Variants in SEL1L2 observed in about 807,000 individuals in gnomAD.
SEL1L2 encodes SEL1L2 adaptor subunit of SYVN1 ubiquitin ligase, also known as protein sel-1 homolog 2.
A neutral mutation model predicts 98.8 loss-of-function variants in SEL1L2; 89 were observed. That is an observed-to-expected ratio of 0.90 (90% confidence interval 0.76 to 1.07). SEL1L2 has a LOEUF of 1.07. SEL1L2 is among the 50% of genes least tolerant of loss of function. SEL1L2 has a pLI of 0.00. For synonymous variants in SEL1L2, 262 were observed against 278.5 expected, an observed-to-expected ratio of 0.94 and a Z score of 0.59; for missense variants, 788 against 812.0, an observed-to-expected ratio of 0.97 and a Z score of 0.36.
intron 18 of SEL1L2, among the ~76,000 whole-genome samples, chr20:13,858,367 C>T (rs1391716577): frequency 6.6e-6 from 1 of 152,090 alleles, no homozygotes; most frequent in Non-Finnish European, 1.5e-5. Flanking sequence ...GCGAGGCCCA[C>T]TCTTTCACCA....
chr20:13,931,704 A>T lies in SEL1L2; in HGVS notation c.182T>A (p.Ile61Asn). 2 of 1,565,938 alleles carry T rather than the reference A, an allele frequency of 1.3e-6. No homozygotes were observed. The highest frequency in any genetic ancestry group is 1.7e-6 in the Non-Finnish European group (2 of 1,156,420). Residue 61 changes from isoleucine to asparagine, a missense_variant, in exon 3 of 20, where the codon ATC (isoleucine) becomes AAC (asparagine). Ile to Asn is a moderately radical substitution (Grantham distance 149, BLOSUM62 -3). Coordinates refer to ENST00000284951, the MANE Select transcript of SEL1L2 (RefSeq NM_025229.2). Reference protein sequence around the residue: ...ILEQRTSSNVINKRENLLEKK... With the variant: ...ILEQRTSSNVNNKRENLLEKK... ...CTCCAGGAGATTTTCTCTTTTATTG[A>T]TTACATTACTAGATGTTCTTTGTTC...
intron 5 of SEL1L2, among the ~76,000 whole-genome samples, chr20:13,907,549 A>G (rs2047987765): frequency 6.6e-6 from 1 of 152,202 alleles, no homozygotes; most frequent in African/African-American, 2.4e-5. Context: ...AGCCTGGGCA[A>G]TGGAGCAAGA....
At chr20:13,888,543 T>G (rs1391482467) in intron 5 of SEL1L2, 31 bp from the exon 6 acceptor site, 1 of 1,223,886 alleles carries the variant, frequency 8.2e-7, no homozygotes, top group Non-Finnish European at 1.2e-6. Context: ...CAAAATTTAA[T>G]AAATCAATTT....
chr20:13,912,169 G>A (rs2048230461), intron 5 of SEL1L2, among the ~76,000 whole-genome samples: 3 of 152,108 alleles, frequency 2.0e-5, no homozygotes, highest in Admixed American at 1.3e-4. Flanking sequence ...CCATCTACAA[G>A]GGGTCTTCCA....
At chr20:13,862,307 C>T (rs1463737112) in intron 17 of SEL1L2, among the ~76,000 whole-genome samples, 1 of 152,156 alleles carries the variant, frequency 6.6e-6, no homozygotes, top group African/African-American at 2.4e-5. Flanking sequence ...AGGGATGACC[C>T]TTAAGGGTCC....
At chr20:13,942,528 G>A (rs776968956) in intron 2 of SEL1L2, among the ~76,000 whole-genome samples, 90 of 152,240 alleles carry the variant, frequency 5.9e-4, no homozygotes, top group Non-Finnish European at 9.7e-4. Flanking sequence ...AAGTCCTCCA[G>A]GTGATTATGA....
At position 13,931,584 on chromosome 20, in the gene SEL1L2, G is replaced by A; in HGVS notation, c.283+19C>T. On this transcript the variant is annotated intron_variant, in intron 3 of 19. Transcript: ENST00000284951. ...ATGTAGTCATTTTAAATTTACATGTGAAAAGATATTCTACTTACAATGATT... is the reference window on the plus strand; with the variant it reads ...ATGTAGTCATTTTAAATTTACATGTAAAAAGATATTCTACTTACAATGATT... 2.3e-6 allele frequency: 3 copies of A among 1,278,554 alleles called. No homozygotes were observed. Among genetic ancestry groups the A allele is most frequent in the Non-Finnish European group, 3.2e-6 (3 of 947,208 alleles). The allele number at this position is 1,278,554 out of a possible 1,614,324, so 79.2% of individuals were successfully genotyped here.
chr20:13,912,798 A>G (rs1250027296), intron 5 of SEL1L2, among the ~76,000 whole-genome samples: 1 of 151,992 alleles, frequency 6.6e-6, no homozygotes, highest in East Asian at 1.9e-4. Context: ...AAGAAGTACT[A>G]CCCCCATCTG....
At chr20:13,905,929 C>A (rs1266116108) in intron 5 of SEL1L2, among the ~76,000 whole-genome samples, 1 of 141,646 alleles carries the variant, frequency 7.1e-6, no homozygotes, top group Non-Finnish European at 1.5e-5. Context: ...GGCTGGAATG[C>A]AATGGTGCAG....
chr20:13,984,414 A>G (rs2052038891), intron 1 of SEL1L2, among the ~76,000 whole-genome samples: 1 of 151,844 alleles, frequency 6.6e-6, no homozygotes, highest in South Asian at 2.1e-4. Context: ...CTCATTCCCC[A>G]TTCTCTGTGG....
rs570159996 is a variant in SEL1L2 at position 13,947,745 on chromosome 20, T to C, written c.114+8331A>G. On this transcript the variant is annotated intron_variant, in intron 2 of 19. Transcript: ENST00000284951. ...ACTGTGGTTTCTGGCATTTCCAAGC[T>C]TCTGGGCACCACTGTATTCCCTTCA... is the stretch of plus-strand genomic sequence containing the variant. Among the ~76,000 whole-genome samples the C allele has an allele frequency of 3.3e-5, 5 of 152,338 alleles. No individual in the cohort carries two copies. In the South Asian group the frequency reaches 8.3e-4, roughly 25 times the overall value.
intron 18 of SEL1L2, among the ~76,000 whole-genome samples, chr20:13,854,863 C>A (rs963792027): frequency 6.6e-6 from 1 of 151,960 alleles, no homozygotes. Context: ...ACCATCCTGG[C>A]CAACATGGTG....
intron 1 of SEL1L2, among the ~76,000 whole-genome samples, chr20:13,973,601 T>C (rs1569069015): frequency 6.6e-6 from 1 of 152,226 alleles, no homozygotes; most frequent in Non-Finnish European, 1.5e-5. Flanking sequence ...TGCAGTAGCA[T>C]CCTATGTCTC....
intron 1 of SEL1L2, 99 bp from the exon 2 acceptor site, chr20:13,956,230 T>C (rs1424182570): frequency 1.8e-5 from 11 of 625,380 alleles, no homozygotes; most frequent in African/African-American, 5.8e-5. Flanking sequence ...AGAAAACTTT[T>C]AGAACTCTAA....
chr20:13,906,612 A>T (rs899127485), intron 5 of SEL1L2, among the ~76,000 whole-genome samples: 1 of 151,558 alleles, frequency 6.6e-6, no homozygotes, highest in African/African-American at 2.4e-5. Context: ...ACTAAAAATA[A>T]TTTTTTTTTC....
Position 13,876,123 on chromosome 20 carries a change from GA to G in SEL1L2, c.1027-9del. On this transcript the variant is annotated splice_polypyrimidine_tract_variant and intron_variant, in intron 11 of 19. Coordinates refer to ENST00000284951, the MANE Select transcript of SEL1L2 (RefSeq NM_025229.2). ...ATTCCCCTCTAAATACATCTAGGAA[GA>G]AAAATGAAAAGAGGATAGAAAAAAC... 1.2e-6 allele frequency: 2 copies of G among 1,600,518 alleles called. No homozygotes were observed. The highest frequency in any genetic ancestry group is 1.7e-5 in the Admixed American group (1 of 59,492).
chr20:13,977,514 C>G (rs1040313540), intron 1 of SEL1L2, among the ~76,000 whole-genome samples: 8 of 152,002 alleles, frequency 5.3e-5, no homozygotes, highest in African/African-American at 1.9e-4. Context: ...CCATTAGGAG[C>G]AGGTAGAAGG....
At chr20:13,958,599 A>T (rs2050645469) in intron 1 of SEL1L2, among the ~76,000 whole-genome samples, 1 of 152,160 alleles carries the variant, frequency 6.6e-6, no homozygotes. Flanking sequence ...CATTTGGCCC[A>T]GGAACTGCTA....
intron 5 of SEL1L2, among the ~76,000 whole-genome samples, chr20:13,901,701 G>A (rs1261883438): frequency 2.7e-5 from 4 of 146,364 alleles, no homozygotes; most frequent in African/African-American, 1.0e-4. Flanking sequence ...TCACTCTGTC[G>A]CCCAGGCTGG....
Sources: gnomAD v4.1 joint callset for allele counts (sites outside exome capture counted in the v4.1 genomes callset) on GRCh38, gnomAD v4.1.1 for gene constraint, MANE v1.5 for transcripts, NCBI Gene and HGNC (gene_info 2026-07-23, HGNC 2026-07-21) for gene names.